The following SCUBE3 variants were observed in gnomAD, a reference collection of about 807,000 sequenced individuals.
SCUBE3 encodes the protein signal peptide, CUB domain and EGF like domain containing 3.
SCUBE3 carries 33 observed loss-of-function variants against 116.8 expected under a neutral mutation model. The ratio of observed to expected loss-of-function variants is 0.28; its 90% CI spans 0.21 to 0.38. The LOEUF is 0.38. Among genes scored for constraint, SCUBE3 ranks in the 10% least tolerant of loss-of-function variants. SCUBE3 has a pLI of 1.00. For synonymous variants in SCUBE3, 418 were observed against 496.9 expected (o/e 0.84, Z 2.11); for missense variants, 1,007 against 1,324.8 (o/e 0.76, Z 3.72).
Position 35,240,587 on chromosome 6 carries a change from A to G in SCUBE3, c.1069+97A>G, listed in dbSNP as rs546237055. ...TTGTGTTGGCTTGTGGCTATGGGCA[A>G]TCCCTGGATGCATGCACCATGTCTG... is the stretch of plus-strand genomic sequence containing the variant. On this transcript the variant is annotated intron_variant, in intron 9 of 21. Transcript: ENST00000274938. This position sits in a 1 kb window ranked among gnomAD's most constrained non-coding sequence, Gnocchi z 4.6. The G allele has an allele frequency of 1.8e-5, 11 of 612,366 alleles. No homozygotes were observed. In the South Asian group the frequency reaches 2.4e-4, roughly 14 times the overall value. 37.9% of individuals were successfully genotyped at this position (612,366 alleles called of 1,614,324 possible). A position where few individuals can be genotyped will look rare whatever the true frequency, so the allele number is the denominator to read the frequency against.
Position 35,241,321 on chromosome 6 carries a change from G to T in SCUBE3, c.1195+55G>T. 1 of 1,549,624 alleles carries T rather than the reference G, an allele frequency of 6.5e-7. No homozygotes were observed. The highest frequency in any genetic ancestry group is 1.8e-5 in the Admixed American group (1 of 56,518). The stretch of plus-strand genomic sequence containing the variant: ...GACACTGCCATTTCAGGGAGCAGTT[G>T]GGGTTCTGGAAAGCATAGAGTATCA... On this transcript the variant is annotated intron_variant, in intron 10 of 21. Transcript: ENST00000274938. The surrounding 1 kb of genome is among the most constrained non-coding windows in gnomAD (Gnocchi z 4.1).
At chr6:35,225,346 C>G (rs1783284527) in intron 1 of SCUBE3, among the ~76,000 whole-genome samples, 1 of 152,226 alleles carries the variant, frequency 6.6e-6, no homozygotes, top group Admixed American at 6.5e-5. Flanking sequence ...TCTGTGATAG[C>G]ACATTTCTTT....
chr6:35,217,961 A>G (rs1782991524), intron 1 of SCUBE3, among the ~76,000 whole-genome samples: 1 of 152,178 alleles, frequency 6.6e-6, no homozygotes, highest in Non-Finnish European at 1.5e-5. Context: ...GAGAGTACAG[A>G]GACTTTTCCC....
Position 35,246,098 on chromosome 6 carries a change from T to C in SCUBE3, c.2752+2T>C. The C allele has an allele frequency of 1.9e-6, 3 of 1,614,020 alleles. No individual in the cohort carries two copies. Among genetic ancestry groups the C allele is most frequent in the Non-Finnish European group, 2.5e-6 (3 of 1,179,980 alleles). ...AGATTCCCTATGTTACCTATGATGG[T>C]AAGCCAAGGAGGTGGGTGAGAAGGG... On this transcript the variant is annotated splice_donor_variant, in intron 20 of 21. Coordinates refer to ENST00000274938, the MANE Select transcript of SCUBE3 (RefSeq NM_152753.4). LOFTEE classifies it high-confidence loss of function.
At chr6:35,225,664 G>A (rs1381324870) in intron 1 of SCUBE3, among the ~76,000 whole-genome samples, 7 of 152,118 alleles carry the variant, frequency 4.6e-5, no homozygotes, top group Admixed American at 4.6e-4. Flanking sequence ...TTTGAGGCAG[G>A]GTGTTTGGGG....
rs1209025450 is a variant in SCUBE3, at chr6:35,239,127, G to A, written c.830-625G>A. Among the ~76,000 whole-genome samples the A allele has an allele frequency of 1.3e-5, 2 of 151,892 alleles. No individual in the cohort carries two copies. The highest frequency in any genetic ancestry group is 3.2e-3 in the Middle Eastern group (1 of 316). ...TTACTAGTGCTGAAAGCTGCCTCAG[G>A]CCTGAGTCTCTCCAGATCTCTCCCA... On this transcript the variant is annotated intron_variant, in intron 7 of 21. Transcript: ENST00000274938. The surrounding 1 kb of genome is among the most constrained non-coding windows in gnomAD (Gnocchi z 4.1).
Position 35,219,116 on chromosome 6 carries a change from T to C in SCUBE3, c.85+4613T>C, listed in dbSNP as rs114422710. 0.012 allele frequency among the ~76,000 whole-genome samples: 1,778 copies of C among 152,232 alleles called. 37 individuals carry two copies. The highest frequency in any genetic ancestry group is 0.041 in the African/African-American group (1,694 of 41,516). ...TGAGGCTAGGTCATCTGGATACTCT[T>C]CCTTTCTTCCCCCACCCCAGTTTCC... On this transcript the variant is annotated intron_variant, in intron 1 of 21. Transcript: ENST00000274938. This position sits in a 1 kb window ranked among gnomAD's most constrained non-coding sequence, Gnocchi z 4.7.
At position 35,233,023 on chromosome 6, in the gene SCUBE3, A is replaced by G; in HGVS notation, c.595+48A>G. On this transcript the variant is annotated intron_variant, in intron 5 of 21. Transcript: ENST00000274938. This position sits in a 1 kb window ranked among gnomAD's most constrained non-coding sequence, Gnocchi z 5.7. ...TGGGGCAGTGGGGTCGGGGGTGAAA[A>G]CATAGAGGAAGGGTATAGGGCTTCA... The G allele has an allele frequency of 6.2e-7, 1 of 1,607,040 alleles. No homozygotes were observed. The highest frequency in any genetic ancestry group is 8.5e-7 in the Non-Finnish European group (1 of 1,174,780).
At position 35,232,254 on chromosome 6, in the gene SCUBE3, A is replaced by G. The variant is rs1783580127; in HGVS notation, c.469+395A>G. 6.6e-6 allele frequency among the ~76,000 whole-genome samples: 1 copy of G among 152,096 alleles called. No homozygotes were observed. The highest frequency in any genetic ancestry group is 2.4e-5 in the African/African-American group (1 of 41,416). On this transcript the variant is annotated intron_variant, in intron 4 of 21. Transcript: ENST00000274938. This position sits in a 1 kb window ranked among gnomAD's most constrained non-coding sequence, Gnocchi z 4.2. ...TAATGGGTTTATATTGGCTGTTTCT[A>G]TGACTCATGCCCCCCACTCCCACTA...
At position 35,214,507 on chromosome 6, in the gene SCUBE3, A is replaced by G; in HGVS notation, c.85+4A>G. The G allele has an allele frequency of 6.7e-7, 1 of 1,482,058 alleles. No individual in the cohort carries two copies. The highest frequency in any genetic ancestry group is 9.0e-7 in the Non-Finnish European group (1 of 1,117,150). 91.8% of individuals were successfully genotyped at this position (1,482,058 alleles called of 1,614,324 possible). A position where few individuals can be genotyped will look rare whatever the true frequency, so the allele number is the denominator to read the frequency against. ...CAGTACAGCAAAGCCGCGCAAGGTA[A>G]GGAAGGAGGGGCGCGCGGCCTGGGG... On this transcript the variant is annotated splice_donor_region_variant and intron_variant, in intron 1 of 21. Coordinates refer to ENST00000274938, the MANE Select transcript of SCUBE3 (RefSeq NM_152753.4). The surrounding 1 kb of genome is among the most constrained non-coding windows in gnomAD (Gnocchi z 6.3).
In SCUBE3 at chr6:35,245,437, G is replaced by A. The variant is rs1420929705; in HGVS notation, c.2599+12G>A. On this transcript the variant is annotated intron_variant, in intron 19 of 21. Transcript: ENST00000274938. The surrounding 1 kb of genome is among the most constrained non-coding windows in gnomAD (Gnocchi z 4.2). ...CATGAGAAAGAACTGTGGGTGGCTTGCAGAGCTGGGCCAGGGAAGGGCAGT... is the reference window on the plus strand; with the variant it reads ...CATGAGAAAGAACTGTGGGTGGCTTACAGAGCTGGGCCAGGGAAGGGCAGT... 1.9e-6 allele frequency: 3 copies of A among 1,611,488 alleles called. No individual in the cohort carries two copies. Among genetic ancestry groups the A allele is most frequent in the Non-Finnish European group, 2.5e-6 (3 of 1,177,588 alleles).
Position 35,227,613 on chromosome 6 carries a change from G to C in SCUBE3, c.119G>C (p.Cys40Ser), listed in dbSNP as rs1783379190. The C allele has an allele frequency of 6.2e-7, 1 of 1,614,004 alleles. No homozygotes were observed. Among genetic ancestry groups the C allele is most frequent in the African/African-American group, 1.3e-5 (1 of 74,926 alleles). ...VDECVEGTDN[C>S]HIDAICQNTP... ...GAGTGTGTGGAGGGGACTGACAACT[G>C]CCACATCGATGCTATCTGCCAGAAC... Residue 40 changes from cysteine to serine, a missense_variant, in exon 2 of 22, where the codon TGC (cysteine) becomes TCC (serine). Cys to Ser is a moderately radical substitution (Grantham distance 112, BLOSUM62 -1). Around this residue, in one of 5 missense-constraint regions of SCUBE3, gnomAD observed 94 missense variants for 92.0 expected, o/e 1.02. Transcript: ENST00000274938.
intron 7 of SCUBE3, among the ~76,000 whole-genome samples, chr6:35,238,479 A>G (rs1378613236): frequency 6.6e-6 from 1 of 152,112 alleles, no homozygotes; most frequent in Non-Finnish European, 1.5e-5. Flanking sequence ...AGAGTAGGAT[A>G]CTAGTTAGGA....
Position 35,227,649 on chromosome 6 carries a change from CAT to C in SCUBE3, c.157_158del (p.Tyr53GlnfsTer20). ...GCTATCTGCCAGAACACCCCGAGGT[CAT>C]ACAAGTGCATCTGCAAGTCTGGCTA... On this transcript the variant is annotated frameshift_variant, in exon 2 of 22. Coordinates refer to ENST00000274938, the MANE Select transcript of SCUBE3 (RefSeq NM_152753.4). LOFTEE classifies it high-confidence loss of function. 1 of 1,614,100 alleles carries C rather than the reference CAT, an allele frequency of 6.2e-7. No individual in the cohort carries two copies. Among genetic ancestry groups the C allele is most frequent in the Non-Finnish European group, 8.5e-7 (1 of 1,179,952 alleles).
Position 35,226,480 on chromosome 6 carries a change from C to CTTTTTTTTTTTTTTTT in SCUBE3, c.86-1093_86-1078dup, listed in dbSNP as rs764779695. ...CAGAAGTTGGACTCTTTTCTATGTC[C>CTTTTTTTTTTTTTTTT]TTTTTTTTTTTTTTTTTTTTTTGAG... is the stretch of plus-strand genomic sequence containing the variant. On this transcript the variant is annotated intron_variant, in intron 1 of 21. Transcript: ENST00000274938. Among the ~76,000 whole-genome samples, 72 of 85,230 alleles carry CTTTTTTTTTTTTTTTT rather than the reference C, an allele frequency of 8.4e-4. 6 individuals carry two copies. Among genetic ancestry groups the CTTTTTTTTTTTTTTTT allele is most frequent in the African/African-American group, 2.6e-3 (54 of 20,730 alleles). The allele number at this position is 85,230 out of a possible 152,430, so 55.9% of individuals were successfully genotyped here.
rs774057446 is a variant in SCUBE3 at position 35,227,647 on chromosome 6, G to T, written c.153G>T (p.Arg51Ser). The T allele has an allele frequency of 4.5e-5, 73 of 1,614,014 alleles. No individual in the cohort carries two copies. The highest frequency in any genetic ancestry group is 6.2e-5 in the Non-Finnish European group (73 of 1,180,008). ...ATGCTATCTGCCAGAACACCCCGAGGTCATACAAGTGCATCTGCAAGTCTG... is the reference window on the plus strand; with the variant it reads ...ATGCTATCTGCCAGAACACCCCGAGTTCATACAAGTGCATCTGCAAGTCTG... Reference protein sequence around the residue: ...HIDAICQNTPRSYKCICKSGY... With the variant: ...HIDAICQNTPSSYKCICKSGY... The change falls in exon 2 of 22, where the codon AGG becomes AGT. Residue 51 changes from arginine (R) to serine (S), a missense_variant. Coordinates refer to ENST00000274938, the MANE Select transcript of SCUBE3 (RefSeq NM_152753.4).
At chr6:35,236,478 C>A (rs1486589831) in intron 6 of SCUBE3, among the ~76,000 whole-genome samples, 3 of 152,214 alleles carry the variant, frequency 2.0e-5, no homozygotes, top group Admixed American at 6.5e-5. Context: ...AGCCTTGGAA[C>A]CTGAACTCAA....
Position 35,245,176 on chromosome 6 carries a change from C to G in SCUBE3, c.2402-52C>G. On this transcript the variant is annotated intron_variant, in intron 18 of 21. Coordinates refer to ENST00000274938, the MANE Select transcript of SCUBE3 (RefSeq NM_152753.4). This position sits in a 1 kb window ranked among gnomAD's most constrained non-coding sequence, Gnocchi z 4.2. ...CTCTTCAATTCCCCCAGCACACTTCCCCACTGACTTCCCTTCTCTGTCTTG... is the reference window on the plus strand; with the variant it reads ...CTCTTCAATTCCCCCAGCACACTTCGCCACTGACTTCCCTTCTCTGTCTTG... 1 of 1,535,378 alleles carries G rather than the reference C, an allele frequency of 6.5e-7. No individual in the cohort carries two copies. The highest frequency in any genetic ancestry group is 9.0e-7 in the Non-Finnish European group (1 of 1,108,600).
Position 35,238,226 on chromosome 6 carries a change from C to T in SCUBE3, c.829+208C>T, listed in dbSNP as rs559961751. ...CCAGCCAGTTCCTTAGTGCCCCCTT[C>T]CCCTACCCCACCTTGTTTCCCTACT... On this transcript the variant is annotated intron_variant, in intron 7 of 21. Transcript: ENST00000274938. Among the ~76,000 whole-genome samples the T allele has an allele frequency of 9.0e-4, 137 of 152,118 alleles. 4 individuals are homozygous for T. The highest frequency in any genetic ancestry group is 9.0e-4 in the Non-Finnish European group (61 of 68,004).
Sources: allele counts gnomAD v4.1 joint callset (sites outside exome capture counted in the v4.1 genomes callset), GRCh38; gene constraint gnomAD v4.1.1; regional missense constraint gnomAD v4.1.1; non-coding constraint Gnocchi (gnomAD v3.1); transcripts MANE v1.5; gene names NCBI Gene and HGNC (gene_info 2026-07-23, HGNC 2026-07-21).